The following CDYL2 variants were observed in gnomAD, a reference collection of about 807,000 sequenced individuals.
CDYL2 encodes the protein chromodomain Y like 2.
CDYL2 carries 23 observed loss-of-function variants against 49.4 expected under a neutral mutation model. The ratio of observed to expected loss-of-function variants is 0.47; its 90% CI spans 0.34 to 0.66. CDYL2 has a LOEUF of 0.66. Ranked by LOEUF, CDYL2 falls within the 30% of genes least tolerant of loss-of-function variation. The pLI is 0.01. For synonymous variants in CDYL2, 360 were observed against 268.8 expected, an observed-to-expected ratio of 1.34 and a Z score of -3.32; for missense variants, 678 against 656.4, an observed-to-expected ratio of 1.03 and a Z score of -0.36.
intron 1 of CDYL2, among the ~76,000 whole-genome samples, chr16:80,734,835 A>G (rs370405533): frequency 1.3e-5 from 2 of 152,274 alleles, no homozygotes; most frequent in Middle Eastern, 3.4e-3. Flanking sequence ...GGTGTTTTCA[A>G]TTTAAAGCTA....
chr16:80,768,874 C>A (rs1906814952), intron 1 of CDYL2, among the ~76,000 whole-genome samples: 1 of 152,114 alleles, frequency 6.6e-6, no homozygotes, highest in Non-Finnish European at 1.5e-5. Context: ...AGAGATAATG[C>A]AGATAAAACA....
chr16:80,741,790 ATGT>A (rs571504225), intron 1 of CDYL2, among the ~76,000 whole-genome samples: 55 of 152,370 alleles, frequency 3.6e-4, no homozygotes, highest in Middle Eastern at 3.4e-3. Flanking sequence ...GCATTGGCAG[ATGT>A]TCAGGTAAAA....
chr16:80,648,983 G>T (rs866586282), intron 2 of CDYL2, among the ~76,000 whole-genome samples: 5 of 152,008 alleles, frequency 3.3e-5, no homozygotes, highest in Non-Finnish European at 5.9e-5. Flanking sequence ...GGTATAGAAG[G>T]AATATACCTC....
At chr16:80,663,101 T>C (rs1909116074) in intron 2 of CDYL2, among the ~76,000 whole-genome samples, 1 of 90,306 alleles carries the variant, frequency 1.1e-5, no homozygotes, top group Non-Finnish European at 3.4e-5. Flanking sequence ...ATTGTGGTGT[T>C]GGGGGTCTCC....
chr16:80,760,797 G>C (rs1597120069), intron 1 of CDYL2, among the ~76,000 whole-genome samples: 1 of 151,444 alleles, frequency 6.6e-6, no homozygotes, highest in Non-Finnish European at 1.5e-5. Flanking sequence ...GATGAAATTA[G>C]AGCAAGAACA....
At chr16:80,633,707 G>C (rs1166572542) in intron 2 of CDYL2, among the ~76,000 whole-genome samples, 1 of 150,132 alleles carries the variant, frequency 6.7e-6, no homozygotes, top group Non-Finnish European at 1.5e-5. Flanking sequence ...CCAGAGATGG[G>C]GCTCTGGGAC....
In CDYL2 at chr16:80,662,462, T is replaced by G. The variant is rs1007553000; in HGVS notation, c.616+22076A>C. Among the ~76,000 whole-genome samples the G allele has an allele frequency of 3.3e-5, 5 of 152,274 alleles. 1 individual carries two copies. The highest frequency in any genetic ancestry group is 1.2e-4 in the African/African-American group (5 of 41,554). On this transcript the variant is annotated intron_variant, in intron 2 of 6. Coordinates refer to ENST00000570137, the MANE Select transcript of CDYL2 (RefSeq NM_152342.4). ...ATTCTTCCAGAGCAGTGCATCTCTC[T>G]TCTGGTTGTTTGTACACCCTTCTTT... is the stretch of plus-strand genomic sequence containing the variant.
At chr16:80,609,768 T>G (rs1906512494) in intron 5 of CDYL2, among the ~76,000 whole-genome samples, 1 of 152,058 alleles carries the variant, frequency 6.6e-6, no homozygotes, top group African/African-American at 2.4e-5. Context: ...AAGAGAGAAC[T>G]TAGGGGTATT....
At chr16:80,673,285 A>G (rs1909607326) in intron 2 of CDYL2, among the ~76,000 whole-genome samples, 1 of 152,054 alleles carries the variant, frequency 6.6e-6, no homozygotes, top group Non-Finnish European at 1.5e-5. Flanking sequence ...ATGCCATTGC[A>G]CTCCAGCCTG....
chr16:80,717,155 A>G (rs1904839138), intron 1 of CDYL2, among the ~76,000 whole-genome samples: 1 of 146,256 alleles, frequency 6.8e-6, no homozygotes. Flanking sequence ...CGATAGATGG[A>G]TGGATGGATG....
At chr16:80,646,600 C>T (rs1195561582) in intron 2 of CDYL2, among the ~76,000 whole-genome samples, 2 of 152,114 alleles carry the variant, frequency 1.3e-5, no homozygotes, top group Non-Finnish European at 2.9e-5. Context: ...ACCATCTTGG[C>T]TAACATGGTG....
chr16:80,617,797 G>A (rs759973977), intron 4 of CDYL2, among the ~76,000 whole-genome samples: 5 of 152,090 alleles, frequency 3.3e-5, no homozygotes, highest in Non-Finnish European at 5.9e-5. Context: ...TTACTCTCTT[G>A]CATAAAAATA....
chr16:80,656,908 G>A (rs1461171881), intron 2 of CDYL2, among the ~76,000 whole-genome samples: 1 of 152,234 alleles, frequency 6.6e-6, no homozygotes, highest in Non-Finnish European at 1.5e-5. Context: ...CTGGAAGCCA[G>A]GGGATGAAGT....
At chr16:80,718,405 G>T (rs529160989) in intron 1 of CDYL2, among the ~76,000 whole-genome samples, 2 of 152,242 alleles carry the variant, frequency 1.3e-5, no homozygotes, top group African/African-American at 4.8e-5. Context: ...CCACTGAAGG[G>T]GAGGTTAGGA....
intron 3 of CDYL2, among the ~76,000 whole-genome samples, chr16:80,624,648 T>C (rs1480602307): frequency 6.6e-6 from 1 of 152,128 alleles, no homozygotes; most frequent in Non-Finnish European, 1.5e-5. Context: ...ATAACATGAC[T>C]TCAAGTAATA....
At chr16:80,620,114 G>A (rs1031933195) in intron 4 of CDYL2, among the ~76,000 whole-genome samples, 3 of 152,224 alleles carry the variant, frequency 2.0e-5, no homozygotes, top group South Asian at 2.1e-4. Context: ...CTAAACAGCC[G>A]TAGTGTCTAG....
intron 2 of CDYL2, among the ~76,000 whole-genome samples, chr16:80,665,781 A>G (rs1909237467): frequency 6.6e-6 from 1 of 152,160 alleles, no homozygotes. Flanking sequence ...ACTGTCACCA[A>G]GATGGCAGGT....
chr16:80,745,882 T>C (rs1905911511), intron 1 of CDYL2, among the ~76,000 whole-genome samples: 1 of 152,068 alleles, frequency 6.6e-6, no homozygotes, highest in African/African-American at 2.4e-5. Context: ...GGGCAGGGGG[T>C]ACCAGTGACA....
chr16:80,630,700 C>A (rs1907521620), intron 3 of CDYL2, among the ~76,000 whole-genome samples: 1 of 152,126 alleles, frequency 6.6e-6, no homozygotes, highest in Non-Finnish European at 1.5e-5. Flanking sequence ...AGCACACAAC[C>A]ACTACCCCAC....
Sources: allele counts gnomAD v4.1 joint callset (sites outside exome capture counted in the v4.1 genomes callset), GRCh38; gene constraint gnomAD v4.1.1; transcripts MANE v1.5; gene names NCBI Gene and HGNC (gene_info 2026-07-23, HGNC 2026-07-21).